Variants in DAAM1 observed in about 807,000 individuals in gnomAD.
The protein encoded by DAAM1 is dishevelled associated activator of morphogenesis 1.
In DAAM1, 52 loss-of-function variants were observed where a neutral mutation model predicts 130.0. The observed-to-expected ratio is 0.40, with a 90% CI of 0.32 to 0.50. DAAM1 has a LOEUF of 0.50. DAAM1 is among the 20% of genes least tolerant of loss of function. The probability of loss-of-function intolerance (pLI) is 0.61; values close to 1 mark genes in which losing one functional copy is unlikely to be tolerated. For synonymous variants in DAAM1, 452 were observed against 444.5 expected, an observed-to-expected ratio of 1.02 and a Z score of -0.21; for missense variants, 1,134 against 1,303.8, an observed-to-expected ratio of 0.87 and a Z score of 2.01.
rs186403799 is a variant in DAAM1, at chr14:59,196,380, C to T, written c.-38+7612C>T. ...GGAAATGTTTAGACACAAGTTAGAACCCGCAGTTCTGTAACAAGAGGTTTA... is the reference window on the plus strand; with the variant it reads ...GGAAATGTTTAGACACAAGTTAGAATCCGCAGTTCTGTAACAAGAGGTTTA... On this transcript the variant is annotated intron_variant, in intron 1 of 24. Transcript: ENST00000360909. Among the ~76,000 whole-genome samples, 6 of 152,314 alleles carry T rather than the reference C, an allele frequency of 3.9e-5. No homozygotes were observed. The East Asian group carries it at 1.2e-3, about 29-fold the overall frequency.
At chr14:59,227,211 C>A (rs1888966792) in intron 1 of DAAM1, among the ~76,000 whole-genome samples, 1 of 90,476 alleles carries the variant, frequency 1.1e-5, no homozygotes, top group South Asian at 3.6e-4. Context: ...CATAAAGTGA[C>A]TTGTGTACAG....
At chr14:59,365,677 A>G (rs1886886541) in intron 23 of DAAM1, among the ~76,000 whole-genome samples, 1 of 152,218 alleles carries the variant, frequency 6.6e-6, no homozygotes, top group Non-Finnish European at 1.5e-5. Flanking sequence ...GAATCTAACA[A>G]TATAACAAAG....
chr14:59,288,737 A>G (rs1286047374), intron 2 of DAAM1, among the ~76,000 whole-genome samples: 2 of 152,060 alleles, frequency 1.3e-5, no homozygotes, highest in African/African-American at 4.8e-5. Flanking sequence ...ATTGACTCAC[A>G]ATTCTGCAGG....
At chr14:59,280,022 A>G (rs537888406) in intron 2 of DAAM1, among the ~76,000 whole-genome samples, 24 of 152,338 alleles carry the variant, frequency 1.6e-4, no homozygotes, top group African/African-American at 5.1e-4. Context: ...AACGTAAACT[A>G]AAACTGCATT....
intron 1 of DAAM1, among the ~76,000 whole-genome samples, chr14:59,232,641 T>C (rs1483828872): frequency 6.6e-6 from 1 of 152,044 alleles, no homozygotes; most frequent in East Asian, 1.9e-4. Context: ...CTCTTTTTTT[T>C]TTTCTTTTAA....
intron 20 of DAAM1, chr14:59,357,264 G>GA (rs961335124): frequency 6.6e-6 from 1 of 152,042 alleles, no homozygotes; most frequent in African/African-American, 2.4e-5. Context: ...TTTAAAAAGT[G>GA]AAAAAAATAG....
chr14:59,235,222 C>T (rs1192260957), intron 1 of DAAM1, among the ~76,000 whole-genome samples: 1 of 152,136 alleles, frequency 6.6e-6, no homozygotes, highest in African/African-American at 2.4e-5. Context: ...GGAATGGCAC[C>T]ACCTCATCTT....
At chr14:59,195,396 G>A (rs747347624) in intron 1 of DAAM1, among the ~76,000 whole-genome samples, 5 of 152,066 alleles carry the variant, frequency 3.3e-5, no homozygotes, top group Non-Finnish European at 7.4e-5. Context: ...GCCTGCCTCG[G>A]CCTCCCAAAG....
At chr14:59,326,852 A>C in intron 11 of DAAM1, 81 bp from the exon 12 acceptor site, 3 of 1,582,084 alleles carry the variant, frequency 1.9e-6, no homozygotes, top group Non-Finnish European at 2.6e-6. Flanking sequence ...GCAGTAGACT[A>C]TTTTTGTACC....
chr14:59,364,704 T>C (rs951224478), intron 23 of DAAM1, among the ~76,000 whole-genome samples: 3 of 152,230 alleles, frequency 2.0e-5, no homozygotes, highest in Non-Finnish European at 4.4e-5. Context: ...TAGATATGGA[T>C]GATTGTTTAT....
chr14:59,355,461 A>G (rs1886440747), intron 20 of DAAM1, 128 bp downstream of exon 20: 5 of 1,155,432 alleles, frequency 4.3e-6, no homozygotes, highest in Non-Finnish European at 4.8e-6. Context: ...CTTTCTCACT[A>G]CTTTCTTCCC....
intron 2 of DAAM1, among the ~76,000 whole-genome samples, chr14:59,286,392 T>G (rs1464498626): frequency 6.6e-6 from 1 of 151,856 alleles, no homozygotes; most frequent in African/African-American, 2.4e-5. Context: ...GCAAGTCAAC[T>G]CCAAAGCTAG....
At position 59,330,691 on chromosome 14, in the gene DAAM1, G is replaced by A. The variant is rs1256614088; in HGVS notation, c.1560+3G>A. The A allele has an allele frequency of 1.2e-6, 2 of 1,605,546 alleles. No individual in the cohort carries two copies. The highest frequency in any genetic ancestry group is 2.2e-5 in the East Asian group (1 of 44,758). ...CACAGCTCCATGAGCTCAGCAGGGT[G>A]AGGTCTTCCGCTCAGCTCACGGGCA... On this transcript the variant is annotated splice_donor_region_variant and intron_variant, in intron 13 of 24. Transcript: ENST00000360909.
chr14:59,311,367 C>G (rs896097345), intron 3 of DAAM1, among the ~76,000 whole-genome samples: 1 of 151,888 alleles, frequency 6.6e-6, no homozygotes, highest in Non-Finnish European at 1.5e-5. Flanking sequence ...GAGGGGTGCC[C>G]CAGGAGTGGA....
intron 1 of DAAM1, among the ~76,000 whole-genome samples, chr14:59,252,731 T>C (rs1210827342): frequency 6.6e-6 from 1 of 152,222 alleles, no homozygotes; most frequent in Admixed American, 6.5e-5. Context: ...CCCCAACTTT[T>C]TAATGTAGTT....
intron 2 of DAAM1, among the ~76,000 whole-genome samples, chr14:59,284,269 G>GA (rs985026106): frequency 5.9e-5 from 9 of 152,086 alleles, no homozygotes; most frequent in Non-Finnish European, 1.0e-4. Context: ...AATCAAAGGG[G>GA]AAAAAAATGA....
chr14:59,338,504 T>C, intron 15 of DAAM1: 21 of 1,433,050 alleles, frequency 1.5e-5, no homozygotes, highest in Non-Finnish European at 2.0e-5. Flanking sequence ...GTTTTGTTTT[T>C]GTTTTTGTTT....
chr14:59,255,388 AT>A (rs965711235), intron 1 of DAAM1, among the ~76,000 whole-genome samples: 21 of 150,426 alleles, frequency 1.4e-4, no homozygotes, highest in Admixed American at 4.0e-4. Context: ...ATATCCCGTG[AT>A]TTTTTTTTTA....
chr14:59,235,246 G>C (rs1010973437), intron 1 of DAAM1, among the ~76,000 whole-genome samples: 7 of 152,176 alleles, frequency 4.6e-5, no homozygotes, highest in African/African-American at 1.7e-4. Flanking sequence ...ACCTCTGGTA[G>C]AATTCAGCTG....
Sources: allele counts gnomAD v4.1 joint callset (sites outside exome capture counted in the v4.1 genomes callset), GRCh38; gene constraint gnomAD v4.1.1; transcripts MANE v1.5; gene names NCBI Gene and HGNC (gene_info 2026-07-23, HGNC 2026-07-21).